NOTCH2NLR: variants seen among roughly 807,000 people sequenced by gnomAD.
NOTCH2NLR encodes notch 2 N-terminal like R (pseudogene).
NOTCH2NLR carries 33 observed loss-of-function variants against 35.6 expected under a neutral mutation model. The ratio of observed to expected loss-of-function variants is 0.93; its 90% CI spans 0.70 to 1.24. NOTCH2NLR has a LOEUF of 1.24. Among genes scored for constraint, NOTCH2NLR ranks in the 50% most tolerant of loss-of-function variants. The pLI, the probability that NOTCH2NLR is intolerant of heterozygous loss-of-function variation, is 0.00. For synonymous variants in NOTCH2NLR, 103 were observed against 141.0 expected (o/e 0.73, Z 1.91); for missense variants, 276 against 362.2 (o/e 0.76, Z 1.93).
At chr1:120,727,437 A>T (rs1650827609) in intron 1 of NOTCH2NLR, among the ~76,000 whole-genome samples, 2 of 115,458 alleles carry the variant, frequency 1.7e-5, no homozygotes, top group South Asian at 5.1e-4. Flanking sequence ...ATAGAATATA[A>T]TGTCATTTCT....
At chr1:120,764,223 G>A (rs1651164658) in intron 2 of NOTCH2NLR, among the ~76,000 whole-genome samples, 1 of 114,286 alleles carries the variant, frequency 8.7e-6, no homozygotes, top group African/African-American at 5.1e-5. Context: ...CTCTAGCCTG[G>A]GTGACAGAGC....
intron 2 of NOTCH2NLR, among the ~76,000 whole-genome samples, chr1:120,764,753 T>C (rs1212675936): frequency 8.8e-6 from 1 of 113,592 alleles, no homozygotes; most frequent in African/African-American, 4.6e-5. Context: ...TATGTATCCA[T>C]TCTTTTTATT....
chr1:120,730,533 G>A lies in NOTCH2NLR; in HGVS notation c.73+6283G>A, dbSNP rs1199359651. ...AAGGATATGCTCATAGGCTTGAGAC[G>A]GGACAAACTGCATCACTGGTAGTGG... On this transcript the variant is annotated intron_variant, in intron 1 of 4. Transcript: ENST00000624419. Among the ~76,000 whole-genome samples the A allele has an allele frequency of 6.0e-5, 6 of 100,460 alleles. 2 individuals are homozygous for A. Among genetic ancestry groups the A allele is most frequent in the Admixed American group, 9.8e-5 (1 of 10,204 alleles). The allele number at this position is 100,460 out of a possible 152,430, so 65.9% of individuals were successfully genotyped here. A position where few individuals can be genotyped will look rare whatever the true frequency, so the allele number is the denominator to read the frequency against.
At chr1:120,752,575 C>A (rs1321341697) in intron 1 of NOTCH2NLR, among the ~76,000 whole-genome samples, 1 of 15,180 alleles carries the variant, frequency 6.6e-5, no homozygotes, top group Non-Finnish European at 9.4e-5. Flanking sequence ...TTTTTTTTTT[C>A]TTTTTTTTTT....
chr1:120,743,763 G>C (rs1650955552), intron 1 of NOTCH2NLR, among the ~76,000 whole-genome samples: 2 of 123,646 alleles, frequency 1.6e-5, no homozygotes, highest in Middle Eastern at 3.6e-3. Context: ...CTGCATTCCA[G>C]AAGTTCTGGT....
At chr1:120,752,668 T>A (rs1430493506) in intron 1 of NOTCH2NLR, among the ~76,000 whole-genome samples, 4 of 45,412 alleles carry the variant, frequency 8.8e-5, no homozygotes, top group Non-Finnish European at 1.4e-4. Flanking sequence ...CCTCCCGGGT[T>A]CATGCCATTC....
At chr1:120,726,084 A>G in intron 1 of NOTCH2NLR, among the ~76,000 whole-genome samples, 1 of 101,616 alleles carries the variant, frequency 9.8e-6, no homozygotes, top group African/African-American at 6.6e-5. Context: ...AAGTGATTTG[A>G]AAAATTAAGT....
In NOTCH2NLR at chr1:120,792,397, G is replaced by A. The variant is rs1304285172; in HGVS notation, c.416-764G>A. On this transcript the variant is annotated intron_variant, in intron 3 of 4. Coordinates refer to ENST00000624419, the Ensembl canonical transcript of NOTCH2NLR. ...GCAAACTTGGTGTATCTGTGTTTGCGCACATGTATGTATGTGAGGGGCACT... is the reference window on the plus strand; with the variant it reads ...GCAAACTTGGTGTATCTGTGTTTGCACACATGTATGTATGTGAGGGGCACT... Among the ~76,000 whole-genome samples the A allele has an allele frequency of 7.5e-4, 59 of 78,160 alleles. 7 individuals carry two copies. Among genetic ancestry groups the A allele is most frequent in the African/African-American group, 4.3e-3 (49 of 11,338 alleles). The allele number at this position is 78,160 out of a possible 152,430, so 51.3% of individuals were successfully genotyped here.
intron 1 of NOTCH2NLR, among the ~76,000 whole-genome samples, chr1:120,752,555 T>TATATG (rs1286857308): frequency 1.5e-4 from 1 of 6,630 alleles, no homozygotes; most frequent in African/African-American, 1.4e-3. Context: ...TATATATATA[T>TATATG]TTTTTTTTTT....
intron 2 of NOTCH2NLR, among the ~76,000 whole-genome samples, chr1:120,784,419 T>C (rs1651399315): frequency 8.5e-6 from 1 of 117,114 alleles, no homozygotes; most frequent in South Asian, 2.5e-4. Context: ...GCTCCAGATA[T>C]TCTTGCTGTT....
chr1:120,780,110 T>C (rs1476305985), intron 2 of NOTCH2NLR, among the ~76,000 whole-genome samples: 4 of 123,520 alleles, frequency 3.2e-5, no homozygotes, highest in Middle Eastern at 3.7e-3. Flanking sequence ...AAATTTAGCC[T>C]GCTATGGAAC....
chr1:120,770,175 G>C (rs1402863118), intron 2 of NOTCH2NLR, among the ~76,000 whole-genome samples: 1 of 97,474 alleles, frequency 1.0e-5, no homozygotes, highest in Non-Finnish European at 2.0e-5. Flanking sequence ...GTTTTTTGTT[G>C]TTGTTTTTTT....
chr1:120,727,250 G>A (rs1299856064), intron 1 of NOTCH2NLR, among the ~76,000 whole-genome samples: 1,418 of 81,434 alleles, frequency 0.017, 2 homozygotes, highest in African/African-American at 0.065. Context: ...AGGTTTACAG[G>A]TGATTCTGAC....
chr1:120,764,140 G>A lies in NOTCH2NLR; in HGVS notation c.155+431G>A, dbSNP rs1399914506. On this transcript the variant is annotated intron_variant, in intron 2 of 4. Transcript: ENST00000624419. Reference sequence around the variant, plus strand: ...CGCATGACTGGAGTCCCAGCTACTCGGGAGGCTGAGGCAGGAGAGTGACTT... The same window carrying A: ...CGCATGACTGGAGTCCCAGCTACTCAGGAGGCTGAGGCAGGAGAGTGACTT... 6.2e-5 allele frequency among the ~76,000 whole-genome samples: 7 copies of A among 112,360 alleles called. 1 individual carries two copies. The highest frequency in any genetic ancestry group is 5.2e-4 in the South Asian group (2 of 3,826). 73.7% of individuals were successfully genotyped at this position (112,360 alleles called of 152,430 possible). A position where few individuals can be genotyped will look rare whatever the true frequency, so the allele number is the denominator to read the frequency against.
chr1:120,750,457 C>G lies in NOTCH2NLR; in HGVS notation c.74-13171C>G, dbSNP rs1454356631. ...ATGGAAATCAGCTGAAAATCCCTGCCTATTAGAAGCTGAGATGTTAATCCT... is the reference window on the plus strand; with the variant it reads ...ATGGAAATCAGCTGAAAATCCCTGCGTATTAGAAGCTGAGATGTTAATCCT... On this transcript the variant is annotated intron_variant, in intron 1 of 4. Coordinates refer to ENST00000624419, the Ensembl canonical transcript of NOTCH2NLR. Among the ~76,000 whole-genome samples, 22 of 104,286 alleles carry G rather than the reference C, an allele frequency of 2.1e-4. 3 individuals carry two copies. The South Asian group carries it at 6.0e-3, about 29-fold the overall frequency. The allele number at this position is 104,286 out of a possible 152,430, so 68.4% of individuals were successfully genotyped here.
intron 1 of NOTCH2NLR, among the ~76,000 whole-genome samples, chr1:120,758,201 A>T (rs1340799173): frequency 8.2e-6 from 1 of 122,696 alleles, no homozygotes; most frequent in African/African-American, 4.1e-5. Context: ...CTGGGCAGGT[A>T]AGGTAAGCTC....
intron 2 of NOTCH2NLR, among the ~76,000 whole-genome samples, chr1:120,768,447 AC>A (rs1308058373): frequency 2.0e-5 from 2 of 99,346 alleles, no homozygotes; most frequent in Admixed American, 1.0e-4. Flanking sequence ...CTTTGAAGCT[AC>A]CCACTCTGTG....
intron 1 of NOTCH2NLR, among the ~76,000 whole-genome samples, chr1:120,745,793 G>A (rs1254820764): frequency 2.3e-5 from 1 of 43,380 alleles, no homozygotes; most frequent in Non-Finnish European, 3.8e-5. Context: ...TCCAACCTGG[G>A]CAATAGAGAG....
rs1651163561 is a variant in NOTCH2NLR, at chr1:120,764,138, T to A, written c.155+429T>A. Among the ~76,000 whole-genome samples the A allele has an allele frequency of 1.8e-5, 2 of 111,858 alleles. 1 individual carries two copies. Among genetic ancestry groups the A allele is most frequent in the Non-Finnish European group, 3.4e-5 (2 of 58,386 alleles). The allele number at this position is 111,858 out of a possible 152,430, so 73.4% of individuals were successfully genotyped here. A position where few individuals can be genotyped will look rare whatever the true frequency, so the allele number is the denominator to read the frequency against. On this transcript the variant is annotated intron_variant, in intron 2 of 4. Coordinates refer to ENST00000624419, the Ensembl canonical transcript of NOTCH2NLR. ...GGCGCATGACTGGAGTCCCAGCTAC[T>A]CGGGAGGCTGAGGCAGGAGAGTGAC... is the stretch of plus-strand genomic sequence containing the variant.
Sources: allele counts gnomAD v4.1 joint callset (sites outside exome capture counted in the v4.1 genomes callset), GRCh38; gene constraint gnomAD v4.1.1; transcripts MANE v1.5; gene names NCBI Gene and HGNC (gene_info 2026-07-23, HGNC 2026-07-21).